Variants in PLPPR1 observed in about 807,000 individuals in gnomAD.
PLPPR1 encodes the protein phospholipid phosphatase related 1.
Under a neutral mutation model 33.1 loss-of-function variants are expected in PLPPR1, and 10 were observed. The ratio of observed to expected loss-of-function variants is 0.30; its 90% CI spans 0.19 to 0.51. The LOEUF (loss-of-function observed/expected upper bound fraction) is 0.51, where lower values mean the gene tolerates loss of function less well. Among genes scored for constraint, PLPPR1 ranks in the 20% least tolerant of loss-of-function variants. PLPPR1 has a pLI of 0.97. For missense variants in PLPPR1, 304 were observed against 408.1 expected, an observed-to-expected ratio of 0.74 and a Z score of 2.20; for synonymous variants, 151 against 151.0, an observed-to-expected ratio of 1.00 and a Z score of 0.00.
At chr9:101,116,532 C>T (rs1053527011) in intron 1 of PLPPR1, among the ~76,000 whole-genome samples, 12 of 152,070 alleles carry the variant, frequency 7.9e-5, no homozygotes, top group Admixed American at 4.6e-4. Flanking sequence ...TGCAGGATAA[C>T]GGCTTGGCGC....
intron 1 of PLPPR1, among the ~76,000 whole-genome samples, chr9:101,181,660 GTATATGTATA>G (rs1235509673): frequency 6.8e-6 from 1 of 146,978 alleles, no homozygotes; most frequent in Non-Finnish European, 1.5e-5. Context: ...ATGTATGTAT[GTATATGTATA>G]TATATGTATA....
chr9:101,080,061 A>G (rs1830599618), intron 1 of PLPPR1, among the ~76,000 whole-genome samples: 1 of 152,200 alleles, frequency 6.6e-6, no homozygotes, highest in Admixed American at 6.5e-5. Flanking sequence ...TAAGATTTAT[A>G]TCTTCCATGT....
chr9:101,293,739 T>C (rs1481905457), intron 4 of PLPPR1, among the ~76,000 whole-genome samples: 1 of 152,010 alleles, frequency 6.6e-6, no homozygotes, highest in Non-Finnish European at 1.5e-5. Context: ...GAAATAAAGA[T>C]GTTCTTTGAA....
chr9:101,250,434 T>C (rs1175621701), intron 2 of PLPPR1, among the ~76,000 whole-genome samples: 1 of 152,084 alleles, frequency 6.6e-6, no homozygotes, highest in Non-Finnish European at 1.5e-5. Context: ...TTCTTAAAGT[T>C]GTCTGAATAG....
At chr9:101,167,141 G>GGTGTGTGTGTGTGTGTGTGTGTGT (rs756843224) in intron 1 of PLPPR1, among the ~76,000 whole-genome samples, 2,327 of 39,712 alleles carry the variant, frequency 0.059, 340 homozygotes, top group Non-Finnish European at 0.073. Flanking sequence ...TATGTCTCTC[G>GGTGTGTGTGTGTGTGTGTGTGTGT]GTGTGTGTGT....
chr9:101,311,307 C>T (rs1828950379), intron 5 of PLPPR1, among the ~76,000 whole-genome samples: 1 of 152,094 alleles, frequency 6.6e-6, no homozygotes, highest in Admixed American at 6.5e-5. Context: ...TCAAATCATG[C>T]CTCACAGACT....
rs995953230 is a variant in PLPPR1, at chr9:101,092,631, G to A, written c.-46+63529G>A. ...GTGCTGCAGGAACATTGCACCCTGCGTCCTGTCTCTGAAGTGAATTCCCAT... is the reference window on the plus strand; with the variant it reads ...GTGCTGCAGGAACATTGCACCCTGCATCCTGTCTCTGAAGTGAATTCCCAT... On this transcript the variant is annotated intron_variant, in intron 1 of 7. Coordinates refer to ENST00000374874, the MANE Select transcript of PLPPR1 (RefSeq NM_207299.2). 7.9e-5 allele frequency among the ~76,000 whole-genome samples: 12 copies of A among 152,152 alleles called. No homozygotes were observed. In the East Asian group the frequency reaches 1.2e-3, roughly 15 times the overall value.
At position 101,124,048 on chromosome 9, in the gene PLPPR1, A is replaced by G. The variant is rs148630834; in HGVS notation, c.-45-61402A>G. On this transcript the variant is annotated intron_variant, in intron 1 of 7. Coordinates refer to ENST00000374874, the MANE Select transcript of PLPPR1 (RefSeq NM_207299.2). ...TCTTTTTTGTAAAACAGAAGGTATT[A>G]TTATTACTATCATTATTACTAGCTA... 6.1e-3 allele frequency among the ~76,000 whole-genome samples: 925 copies of G among 152,234 alleles called. 15 individuals carry two copies. Among genetic ancestry groups the G allele is most frequent in the East Asian group, 0.044 (228 of 5,176 alleles).
chr9:101,323,957 G>A, intron 7 of PLPPR1, 68 bp from the exon 8 acceptor site: 2 of 1,318,856 alleles, frequency 1.5e-6, no homozygotes, highest in Non-Finnish European at 2.2e-6. Flanking sequence ...GAATATTTAG[G>A]GACAAGTGAG....
chr9:101,164,292 A>T (rs968388994), intron 1 of PLPPR1, among the ~76,000 whole-genome samples: 1 of 151,902 alleles, frequency 6.6e-6, no homozygotes, highest in African/African-American at 2.4e-5. Flanking sequence ...TTATAATTGG[A>T]TCTATTTCAT....
In PLPPR1 at chr9:101,269,946, C is replaced by G. The variant is rs1381022673; in HGVS notation, c.130C>G (p.His44Asp). 6.2e-7 allele frequency: 1 copy of G among 1,614,184 alleles called. No homozygotes were observed. ...CGAATGCACTGACACTTTTCAGGTG[C>G]ATATCCAAGGATTCTTCTGTCAGGA... Reference protein sequence around the residue: ...YFECTDTFQVHIQGFFCQDGD... With the variant: ...YFECTDTFQVDIQGFFCQDGD... Residue 44 changes from histidine to aspartate, a missense_variant, in exon 3 of 8, where the codon CAT becomes GAT. By Grantham distance (81) the His-to-Asp change is moderately conservative. Coordinates refer to ENST00000374874, the MANE Select transcript of PLPPR1 (RefSeq NM_207299.2).
At chr9:101,204,438 C>T (rs923810401) in intron 2 of PLPPR1, among the ~76,000 whole-genome samples, 12 of 152,214 alleles carry the variant, frequency 7.9e-5, no homozygotes, top group Admixed American at 1.3e-4. Context: ...GGATCCTCTC[C>T]ACCTGAATGC....
chr9:101,156,381 C>T (rs988108859), intron 1 of PLPPR1, among the ~76,000 whole-genome samples: 9 of 151,868 alleles, frequency 5.9e-5, no homozygotes, highest in Non-Finnish European at 1.3e-4. Flanking sequence ...AAACCCCCAT[C>T]TCTACAGAAA....
chr9:101,041,798 C>G (rs1261342291), intron 1 of PLPPR1, among the ~76,000 whole-genome samples: 1 of 152,104 alleles, frequency 6.6e-6, no homozygotes, highest in African/African-American at 2.4e-5. Flanking sequence ...TGTGGATTTC[C>G]TTGGAGAGCA....
chr9:101,175,711 C>A (rs889684649), intron 1 of PLPPR1, among the ~76,000 whole-genome samples: 1 of 152,024 alleles, frequency 6.6e-6, no homozygotes, highest in African/African-American at 2.4e-5. Flanking sequence ...AATTATATGG[C>A]TTGTTATGGT....
At chr9:101,089,176 C>T (rs1228948508) in intron 1 of PLPPR1, among the ~76,000 whole-genome samples, 4 of 151,984 alleles carry the variant, frequency 2.6e-5, no homozygotes, top group African/African-American at 9.7e-5. Context: ...TCATTCAATC[C>T]TCACAACAGC....
At chr9:101,151,495 G>T (rs750212022) in intron 1 of PLPPR1, among the ~76,000 whole-genome samples, 4 of 152,212 alleles carry the variant, frequency 2.6e-5, no homozygotes, top group Admixed American at 6.5e-5. Flanking sequence ...ATAAAGCCAT[G>T]TTGCTTTGAT....
At chr9:101,108,285 T>G (rs1831004117) in intron 1 of PLPPR1, among the ~76,000 whole-genome samples, 1 of 152,210 alleles carries the variant, frequency 6.6e-6, no homozygotes, top group African/African-American at 2.4e-5. Context: ...ATGATAAAAA[T>G]CAATTGATCT....
chr9:101,153,974 C>G (rs3962607), intron 1 of PLPPR1, among the ~76,000 whole-genome samples: 81,241 of 151,852 alleles, frequency 0.54, 22,387 homozygotes, highest in African/African-American at 0.66. Context: ...TGATCATGTG[C>G]TTTTGGTCTT....
Sources: gnomAD v4.1 joint callset for allele counts (sites outside exome capture counted in the v4.1 genomes callset) on GRCh38, gnomAD v4.1.1 for gene constraint, MANE v1.5 for transcripts, NCBI Gene and HGNC (gene_info 2026-07-23, HGNC 2026-07-21) for gene names.